The following DLG2 variants were observed in gnomAD, a reference collection of about 807,000 sequenced individuals.
DLG2 encodes the protein discs large MAGUK scaffold protein 2, also known as disks large homolog 2.
In DLG2, 45 loss-of-function variants were observed where a neutral mutation model predicts 132.5. That is an observed-to-expected ratio of 0.34 (90% confidence interval 0.27 to 0.44). The LOEUF (loss-of-function observed/expected upper bound fraction) is 0.44, where lower values mean the gene tolerates loss of function less well. DLG2 is among the 20% of genes least tolerant of loss of function. The probability of loss-of-function intolerance (pLI) is 1.00; values close to 1 mark genes in which losing one functional copy is unlikely to be tolerated. For synonymous variants in DLG2, 424 were observed against 419.6 expected (o/e 1.01, Z -0.13); for missense variants, 1,045 against 1,196.9 (o/e 0.87, Z 1.87).
chr11:85,024,544 C>G (rs944099032), intron 6 of DLG2, among the ~76,000 whole-genome samples: 8 of 152,226 alleles, frequency 5.3e-5, no homozygotes, highest in Admixed American at 4.6e-4. Context: ...TCCTGAAGCC[C>G]AAAAGAAACG....
chr11:84,913,532 G>A (rs907186637), intron 6 of DLG2, among the ~76,000 whole-genome samples: 6 of 152,034 alleles, frequency 3.9e-5, no homozygotes, highest in Non-Finnish European at 8.8e-5. Context: ...TCCCTATTAT[G>A]CAGCCACTTT....
intron 18 of DLG2, among the ~76,000 whole-genome samples, chr11:83,757,443 A>G (rs1217943459): frequency 6.6e-6 from 1 of 152,238 alleles, no homozygotes; most frequent in Non-Finnish European, 1.5e-5. Flanking sequence ...AGTGGCACTG[A>G]AAGTGTTAAA....
chr11:84,097,893 T>C (rs2097187455), intron 10 of DLG2, among the ~76,000 whole-genome samples: 2 of 152,182 alleles, frequency 1.3e-5, no homozygotes, highest in African/African-American at 4.8e-5. Context: ...TAGCATTTTA[T>C]GTTATTTACC....
intron 6 of DLG2, among the ~76,000 whole-genome samples, chr11:84,572,474 A>C (rs988724365): frequency 6.6e-6 from 1 of 152,186 alleles, no homozygotes; most frequent in Non-Finnish European, 1.5e-5. Context: ...TATGTGGAGC[A>C]GAGATGAGCT....
chr11:84,136,668 G>A lies in DLG2; in HGVS notation c.624+26793C>T, dbSNP rs528141778. Among the ~76,000 whole-genome samples the A allele has an allele frequency of 1.7e-4, 26 of 152,034 alleles. No homozygotes were observed. The South Asian group carries it at 1.9e-3, about 11-fold the overall frequency. On this transcript the variant is annotated intron_variant, in intron 9 of 27. Coordinates refer to ENST00000376104, the MANE Select transcript of DLG2 (RefSeq NM_001142699.3). ...TGAGATTTTTAAACAAAATATGACC[G>A]TAAACAGTGGGTCAGAAACTTTGCA... is the stretch of plus-strand genomic sequence containing the variant.
chr11:84,871,227 T>C (rs139574539), intron 6 of DLG2, among the ~76,000 whole-genome samples: 3 of 152,298 alleles, frequency 2.0e-5, no homozygotes, highest in African/African-American at 4.8e-5. Context: ...CAGACCCTTT[T>C]CCAGGCTTCC....
intron 6 of DLG2, among the ~76,000 whole-genome samples, chr11:85,065,536 G>T (rs2064775880): frequency 6.7e-6 from 1 of 149,440 alleles, no homozygotes; most frequent in Admixed American, 6.7e-5. Flanking sequence ...TACATATCCA[G>T]CTTTTTTTAA....
chr11:84,907,472 A>ACC (rs2091642617), intron 6 of DLG2, among the ~76,000 whole-genome samples: 1 of 152,192 alleles, frequency 6.6e-6, no homozygotes, highest in Non-Finnish European at 1.5e-5. Flanking sequence ...CTGCAGGCCT[A>ACC]ACATGTGCCT....
chr11:85,090,376 C>T (rs956638239), intron 6 of DLG2, among the ~76,000 whole-genome samples: 2 of 152,136 alleles, frequency 1.3e-5, no homozygotes, highest in African/African-American at 4.8e-5. Context: ...ACATTTGATC[C>T]CCATCTCTCC....
chr11:84,008,657 AG>A (rs2154059429), intron 11 of DLG2, among the ~76,000 whole-genome samples: 1 of 152,128 alleles, frequency 6.6e-6, no homozygotes, highest in East Asian at 1.9e-4. Context: ...AAGAAAAAGA[AG>A]AAAAAAAGCT....
chr11:85,251,304 T>C (rs1490347706), intron 4 of DLG2, among the ~76,000 whole-genome samples: 1 of 152,192 alleles, frequency 6.6e-6, no homozygotes, highest in Admixed American at 6.5e-5. Context: ...TAACATCTAG[T>C]CAAAATGGAA....
intron 4 of DLG2, among the ~76,000 whole-genome samples, chr11:85,202,152 A>G (rs1300005554): frequency 6.7e-6 from 1 of 149,976 alleles, no homozygotes; most frequent in African/African-American, 2.5e-5. Flanking sequence ...TATTAAAAAA[A>G]AAAACCCAAA....
intron 7 of DLG2, among the ~76,000 whole-genome samples, chr11:84,408,693 T>C (rs1177985437): frequency 2.6e-5 from 4 of 152,202 alleles, no homozygotes; most frequent in African/African-American, 7.2e-5. Context: ...ACATCTGTGA[T>C]TGCACAGGTA....
Position 85,190,290 on chromosome 11 carries a change from G to A in DLG2, c.187-35639C>T, listed in dbSNP as rs180885908. Reference sequence around the variant, plus strand: ...AACATTCTCAGGGTCAGAATAGCTCGGACTAAACTAAGTAGCTCCTGAGTC... The same window carrying A: ...AACATTCTCAGGGTCAGAATAGCTCAGACTAAACTAAGTAGCTCCTGAGTC... On this transcript the variant is annotated intron_variant, in intron 4 of 27. Transcript: ENST00000376104. Among the ~76,000 whole-genome samples, 21 of 152,100 alleles carry A rather than the reference G, an allele frequency of 1.4e-4. No individual in the cohort carries two copies. The East Asian group carries it at 1.5e-3, about 11-fold the overall frequency.
chr11:84,506,231 G>A (rs61897751), intron 7 of DLG2, among the ~76,000 whole-genome samples: 7,333 of 150,836 alleles, frequency 0.049, 232 homozygotes, highest in Middle Eastern at 0.071. Flanking sequence ...GCCCGCCACT[G>A]CGCCCGGCTA....
At chr11:84,463,493 A>T (rs545984889) in intron 7 of DLG2, among the ~76,000 whole-genome samples, 11 of 151,164 alleles carry the variant, frequency 7.3e-5, no homozygotes, top group Non-Finnish European at 1.6e-4. Flanking sequence ...GGAAACCACA[A>T]TTGGCAGACA....
At chr11:83,891,322 T>C (rs1356629613) in intron 15 of DLG2, among the ~76,000 whole-genome samples, 2 of 152,044 alleles carry the variant, frequency 1.3e-5, no homozygotes, top group African/African-American at 4.8e-5. Flanking sequence ...TAAGAAGGCA[T>C]GTCAGCCAAA....
At chr11:84,408,353 A>AT (rs2098870874) in intron 7 of DLG2, among the ~76,000 whole-genome samples, 1 of 150,208 alleles carries the variant, frequency 6.7e-6, no homozygotes, top group Non-Finnish European at 1.5e-5. Flanking sequence ...ATATATATAT[A>AT]TATTATTATA....
At chr11:85,203,690 G>A (rs768475445) in intron 4 of DLG2, among the ~76,000 whole-genome samples, 19 of 152,174 alleles carry the variant, frequency 1.2e-4, no homozygotes, top group South Asian at 6.2e-4. Context: ...CTCATTGTAT[G>A]AGGCCAGCAT....
Sources: gnomAD v4.1 joint callset for allele counts (sites outside exome capture counted in the v4.1 genomes callset) on GRCh38, gnomAD v4.1.1 for gene constraint, MANE v1.5 for transcripts, NCBI Gene and HGNC (gene_info 2026-07-23, HGNC 2026-07-21) for gene names.